Variants in ADGRF5 observed in about 807,000 individuals in gnomAD.
ADGRF5 encodes the protein G-protein coupled receptor 116.
A neutral mutation model predicts 132.3 loss-of-function variants in ADGRF5; 75 were observed. The ratio of observed to expected loss-of-function variants is 0.57; its 90% CI spans 0.47 to 0.69. The LOEUF is 0.69. Among genes scored for constraint, ADGRF5 ranks in the 30% least tolerant of loss-of-function variants. ADGRF5 has a pLI of 0.00. For missense variants in ADGRF5, 1,516 were observed against 1,630.6 expected, an observed-to-expected ratio of 0.93 and a Z score of 1.21; for synonymous variants, 629 against 597.6, an observed-to-expected ratio of 1.05 and a Z score of -0.77.
Position 46,921,887 on chromosome 6 carries a change from C to G in ADGRF5, c.-199G>C, listed in dbSNP as rs998676979. 2.0e-5 allele frequency: 3 copies of G among 152,362 alleles called. No homozygotes were observed. The highest frequency in any genetic ancestry group is 4.4e-5 in the Non-Finnish European group (3 of 68,174). 9.4% of individuals were successfully genotyped at this position (152,362 alleles called of 1,614,324 possible). ...CGTTTTCAGGCAGGACTGGCAGCACCGCTCCCACGCTCAGCCTCCCCCAGC... is the reference window on the plus strand; with the variant it reads ...CGTTTTCAGGCAGGACTGGCAGCACGGCTCCCACGCTCAGCCTCCCCCAGC... On this transcript the variant is annotated 5_prime_UTR_variant, in exon 1 of 21. Transcript: ENST00000283296.
At chr6:46,929,884 G>A (rs1056481931) in intron 1 of ADGRF5, among the ~76,000 whole-genome samples, 11 of 152,000 alleles carry the variant, frequency 7.2e-5, no homozygotes, top group African/African-American at 2.2e-4. Context: ...ACAGCAGCAC[G>A]ATCTTGGGTC....
chr6:46,944,658 A>C (rs1437789128), intron 1 of ADGRF5, among the ~76,000 whole-genome samples: 2 of 152,202 alleles, frequency 1.3e-5, no homozygotes, highest in Non-Finnish European at 2.9e-5. Flanking sequence ...ATGTCATATA[A>C]AATATGTCAT....
chr6:46,853,956 T>C lies in ADGRF5; in HGVS notation c.*36A>G, dbSNP rs773134483. On this transcript the variant is annotated 3_prime_UTR_variant, in exon 21 of 21. Coordinates refer to ENST00000283296, the MANE Select transcript of ADGRF5 (RefSeq NM_001098518.2). ...TCTCTTTTTAAAAGCACAGCCACTG[T>C]CCCCGGGAGGTCACGTAGGTTGGAT... The C allele has an allele frequency of 1.4e-6, 2 of 1,413,314 alleles. No homozygotes were observed. The highest frequency in any genetic ancestry group is 2.4e-5 in the South Asian group (2 of 82,938). 87.5% of individuals were successfully genotyped at this position (1,413,314 alleles called of 1,614,324 possible).
Position 46,906,794 on chromosome 6 carries a change from G to T in ADGRF5, c.-24-8C>A. The T allele has an allele frequency of 8.9e-7, 1 of 1,120,946 alleles. No homozygotes were observed. The highest frequency in any genetic ancestry group is 1.4e-6 in the Non-Finnish European group (1 of 730,696). 69.4% of individuals were successfully genotyped at this position (1,120,946 alleles called of 1,614,324 possible). A position where few individuals can be genotyped will look rare whatever the true frequency, so the allele number is the denominator to read the frequency against. On this transcript the variant is annotated splice_polypyrimidine_tract_variant and splice_region_variant and intron_variant, in intron 1 of 20. Transcript: ENST00000283296. ...AAGTTTGAGTTGGTTGGCCTGAAAT[G>T]GAAATATGATGGTTTAGATATACAG...
intron 1 of ADGRF5, among the ~76,000 whole-genome samples, chr6:46,943,211 T>A (rs1026846977): frequency 6.6e-6 from 1 of 152,142 alleles, no homozygotes; most frequent in African/African-American, 2.4e-5. Context: ...GTAGACCATC[T>A]CTGAGAAAAT....
At chr6:46,949,916 G>A (rs1376737018) in intron 1 of ADGRF5, among the ~76,000 whole-genome samples, 2 of 152,148 alleles carry the variant, frequency 1.3e-5, no homozygotes, top group Admixed American at 1.3e-4. Flanking sequence ...GCTCTTTCCT[G>A]GAAGTCCAGC....
Position 46,900,074 on chromosome 6 carries a change from C to G in ADGRF5, c.112G>C (p.Glu38Gln), listed in dbSNP as rs1182386365. 3.7e-6 allele frequency: 6 copies of G among 1,611,904 alleles called. No homozygotes were observed. The highest frequency in any genetic ancestry group is 1.7e-4 in the Middle Eastern group (1 of 6,060). ...GCCTCTTCACCAGCTGGTTCATGTT[C>G]ATGAAGACTCTGAAAAGAACATTTG... ...ESTIHPLSLH[E>Q]HEPAGEEALR... Residue 38 changes from glutamate (E) to glutamine (Q), a missense_variant, in exon 3 of 21, where the codon GAA (glutamate) becomes CAA (glutamine). By Grantham distance (29) the Glu-to-Gln change is conservative (BLOSUM62 2). This residue lies in a region of ADGRF5 where 945 missense variants were observed against 929.4 expected (regional missense o/e 1.02). Coordinates refer to ENST00000283296, the MANE Select transcript of ADGRF5 (RefSeq NM_001098518.2).
intron 1 of ADGRF5, among the ~76,000 whole-genome samples, chr6:46,911,853 T>G (rs1775981336): frequency 6.6e-6 from 1 of 152,140 alleles, no homozygotes; most frequent in Non-Finnish European, 1.5e-5. Flanking sequence ...AAGCTTAAAG[T>G]CTAATGAAGT....
At chr6:46,912,681 GA>G (rs1259522297) in intron 1 of ADGRF5, among the ~76,000 whole-genome samples, 4 of 152,166 alleles carry the variant, frequency 2.6e-5, no homozygotes, top group Non-Finnish European at 4.4e-5. Context: ...TGGAAATTGT[GA>G]AGTCCTAATT....
chr6:46,885,371 A>G (rs1772959668), intron 4 of ADGRF5, among the ~76,000 whole-genome samples: 4 of 152,160 alleles, frequency 2.6e-5, no homozygotes, highest in Admixed American at 2.6e-4. Context: ...AAGATTTCTG[A>G]CCCTCAAAAA....
chr6:46,896,500 C>T (rs573375199), intron 3 of ADGRF5, among the ~76,000 whole-genome samples: 1 of 152,206 alleles, frequency 6.6e-6, no homozygotes, highest in African/African-American at 2.4e-5. Context: ...AAACGCAACA[C>T]TATTTTATAA....
intron 1 of ADGRF5, among the ~76,000 whole-genome samples, chr6:46,941,438 AAAGAAAAGAAAAGAAAAG>A (rs1561838873): frequency 2.2e-4 from 11 of 49,870 alleles, no homozygotes; most frequent in African/African-American, 6.7e-4. Context: ...AAAGAAAAGA[AAAGAAAAGAAAAGAAAAG>A]AAAAGAAAAG....
intron 12 of ADGRF5, among the ~76,000 whole-genome samples, chr6:46,868,209 T>G (rs1328197943): frequency 6.6e-6 from 1 of 152,252 alleles, no homozygotes; most frequent in African/African-American, 2.4e-5. Context: ...GCATCCTGGC[T>G]CTGCCACTTG....
chr6:46,914,405 A>C (rs1173300379), intron 1 of ADGRF5, among the ~76,000 whole-genome samples: 1 of 152,228 alleles, frequency 6.6e-6, no homozygotes, highest in African/African-American at 2.4e-5. Context: ...ATATTTATTT[A>C]ACACAAACAT....
chr6:46,939,928 G>A (rs1777986880), intron 1 of ADGRF5, among the ~76,000 whole-genome samples: 2 of 152,106 alleles, frequency 1.3e-5, no homozygotes. Flanking sequence ...ATGCTCACAG[G>A]AACTTATTTC....
rs144936811 is a variant in ADGRF5, at chr6:46,913,294, A to G, written c.-24-6508T>C. Among the ~76,000 whole-genome samples, 486 of 152,222 alleles carry G rather than the reference A, an allele frequency of 3.2e-3. 4 individuals are homozygous for G. The highest frequency in any genetic ancestry group is 0.011 in the African/African-American group (456 of 41,552). Reference sequence around the variant, plus strand: ...GGGCGGATCACCAGATGTCTGGAGTATGAGACCAGCCTTGCCTAACATAGT... The same window carrying G: ...GGGCGGATCACCAGATGTCTGGAGTGTGAGACCAGCCTTGCCTAACATAGT... On this transcript the variant is annotated intron_variant, in intron 1 of 20. Transcript: ENST00000283296.
chr6:46,937,675 A>G (rs1777900165), intron 1 of ADGRF5, among the ~76,000 whole-genome samples: 1 of 152,228 alleles, frequency 6.6e-6, no homozygotes, highest in Admixed American at 6.5e-5. Context: ...GTAACTCACA[A>G]TAAAATAGAG....
At chr6:46,922,133 A>T (rs912797848), upstream of ADGRF5, among the ~76,000 whole-genome samples, 1 of 152,210 alleles carries the variant, frequency 6.6e-6, no homozygotes, top group African/African-American at 2.4e-5. Flanking sequence ...CAAAGAAAAA[A>T]ATCAGAAAAG....
intron 1 of ADGRF5, among the ~76,000 whole-genome samples, chr6:46,939,753 CA>C (rs1461124232): frequency 6.6e-6 from 1 of 152,180 alleles, no homozygotes; most frequent in Non-Finnish European, 1.5e-5. Context: ...GAAAAATCTT[CA>C]AGCATGTATT....
Sources: gnomAD v4.1 joint callset for allele counts (sites outside exome capture counted in the v4.1 genomes callset) on GRCh38, gnomAD v4.1.1 for gene constraint, gnomAD v4.1.1 regional missense constraint, MANE v1.5 for transcripts, NCBI Gene and HGNC (gene_info 2026-07-23, HGNC 2026-07-21) for gene names.